DPYS: variants seen among roughly 807,000 people sequenced by gnomAD.
The protein encoded by DPYS is dihydropyrimidine amidohydrolase.
In DPYS, 39 loss-of-function variants were observed where a neutral mutation model predicts 50.3. The observed-to-expected ratio is 0.78, with a 90% CI of 0.60 to 1.01. The LOEUF (loss-of-function observed/expected upper bound fraction) is 1.01, where lower values mean the gene tolerates loss of function less well. Ranked by LOEUF, DPYS falls within the 50% of genes least tolerant of loss-of-function variation. The pLI is 0.00. For synonymous variants in DPYS, 245 were observed against 250.7 expected, an observed-to-expected ratio of 0.98 and a Z score of 0.22; for missense variants, 659 against 680.9, an observed-to-expected ratio of 0.97 and a Z score of 0.36.
At chr8:104,450,956 A>G (rs1237265315) in intron 2 of DPYS, among the ~76,000 whole-genome samples, 2 of 152,224 alleles carry the variant, frequency 1.3e-5, no homozygotes, top group Non-Finnish European at 2.9e-5. Flanking sequence ...TAAACATTAC[A>G]CTTAAAGCAT....
chr8:104,430,115 G>A (rs1293279634), intron 4 of DPYS, among the ~76,000 whole-genome samples: 1 of 152,108 alleles, frequency 6.6e-6, no homozygotes, highest in Admixed American at 6.5e-5. Flanking sequence ...GGAGAAGGTA[G>A]AATTTGAACC....
In DPYS at chr8:104,406,237, C is replaced by T. The variant is rs146903304; in HGVS notation, c.1236-13246G>A. On this transcript the variant is annotated intron_variant, in intron 7 of 9. Coordinates refer to ENST00000351513, the MANE Select transcript of DPYS (RefSeq NM_001385.3). ...AGTCAACCAGGCCTGCTCTGAATCC[C>T]AACTCTGTCCTTTCCAGATGTGTGA... Among the ~76,000 whole-genome samples, 310 of 152,312 alleles carry T rather than the reference C, an allele frequency of 2.0e-3. 1 individual carries two copies. The highest frequency in any genetic ancestry group is 5.6e-3 in the African/African-American group (231 of 41,568).
chr8:104,466,553 C>G, intron 1 of DPYS, 104 bp downstream of exon 1: 1 of 1,297,618 alleles, frequency 7.7e-7, no homozygotes, highest in Non-Finnish European at 1.0e-6. Context: ...AGCTCCTCGG[C>G]GCCGCGCCGC....
chr8:104,383,750 C>T (rs146577736), intron 8 of DPYS, among the ~76,000 whole-genome samples: 1 of 152,258 alleles, frequency 6.6e-6, no homozygotes, highest in African/African-American at 2.4e-5. Flanking sequence ...TACAGGCACA[C>T]ACCACCATGG....
chr8:104,409,609 A>T (rs1363527650), intron 7 of DPYS, among the ~76,000 whole-genome samples: 3 of 152,224 alleles, frequency 2.0e-5, no homozygotes, highest in African/African-American at 7.2e-5. Flanking sequence ...GAATTTTTCT[A>T]AGCTTTTTTT....
chr8:104,394,985 T>G (rs1007233251), intron 7 of DPYS, among the ~76,000 whole-genome samples: 1 of 151,650 alleles, frequency 6.6e-6, no homozygotes. Context: ...AAACTAAGAT[T>G]TTTTTTAATT....
At chr8:104,434,555 A>G (rs747660129) in intron 4 of DPYS, among the ~76,000 whole-genome samples, 3 of 152,200 alleles carry the variant, frequency 2.0e-5, no homozygotes, top group Non-Finnish European at 4.4e-5. Flanking sequence ...TTTATTTTAC[A>G]AAGATATGCC....
intron 8 of DPYS, among the ~76,000 whole-genome samples, chr8:104,390,862 A>C (rs1364472745): frequency 1.3e-5 from 2 of 152,102 alleles, no homozygotes; most frequent in East Asian, 1.9e-4. Flanking sequence ...AGTGACAGAG[A>C]CCTTAGCAGT....
intron 5 of DPYS, among the ~76,000 whole-genome samples, chr8:104,428,701 G>A (rs1812824662): frequency 6.6e-6 from 1 of 152,224 alleles, no homozygotes; most frequent in South Asian, 2.1e-4. Context: ...AATCATGAAG[G>A]AGGAAGGAAG....
At chr8:104,381,393 G>T in intron 8 of DPYS, 79 bp from the exon 9 acceptor site, 1 of 1,267,056 alleles carries the variant, frequency 7.9e-7, no homozygotes, top group Non-Finnish European at 1.2e-6. Flanking sequence ...TTTATGAATT[G>T]CGAGAGCTTT....
chr8:104,454,461 A>C (rs1444150823), intron 1 of DPYS, among the ~76,000 whole-genome samples: 1 of 152,220 alleles, frequency 6.6e-6, no homozygotes, highest in Non-Finnish European at 1.5e-5. Context: ...GAACATACTA[A>C]AAGCCATTGT....
chr8:104,447,379 T>C lies in DPYS; in HGVS notation c.548A>G (p.Lys183Arg). 6.2e-7 allele frequency: 1 copy of C among 1,614,112 alleles called. No homozygotes were observed. The highest frequency in any genetic ancestry group is 8.5e-7 in the Non-Finnish European group (1 of 1,180,024). ...LELYEAFSRC[K>R]EIGAIAQVHA... ...GACCTGGGCAATTGCTCCAATTTCC[T>C]TGCACCGAGAGAAGGCTTCGTACAG... is the stretch of plus-strand genomic sequence containing the variant. The change falls in exon 3 of 10, where the codon AAG (lysine) becomes AGG (arginine). Residue 183 changes from lysine to arginine, a missense_variant. Coordinates refer to ENST00000351513, the MANE Select transcript of DPYS (RefSeq NM_001385.3).
chr8:104,439,493 C>T (rs1188459840), intron 4 of DPYS, among the ~76,000 whole-genome samples: 1 of 152,120 alleles, frequency 6.6e-6, no homozygotes, highest in Non-Finnish European at 1.5e-5. Flanking sequence ...TTTTAAAACA[C>T]CAAAGCCAGC....
intron 8 of DPYS, among the ~76,000 whole-genome samples, chr8:104,387,566 T>C (rs1161209601): frequency 2.0e-5 from 3 of 152,144 alleles, no homozygotes; most frequent in Admixed American, 2.0e-4. Context: ...TGATACAAGT[T>C]AAAGGGATTG....
At chr8:104,424,466 A>T in intron 6 of DPYS, 77 bp from the exon 7 acceptor site, 1 of 1,487,574 alleles carries the variant, frequency 6.7e-7, no homozygotes, top group Non-Finnish European at 9.2e-7. Context: ...CAAGACTTGC[A>T]TCTCTTAAAC....
chr8:104,458,782 C>T (rs534249808), intron 1 of DPYS, among the ~76,000 whole-genome samples: 104 of 152,278 alleles, frequency 6.8e-4, no homozygotes, highest in African/African-American at 2.5e-3. Flanking sequence ...TTCCTAGATC[C>T]TTCTATGAAC....
Position 104,466,648 on chromosome 8 carries a change from G to A in DPYS, c.264+9C>T. On this transcript the variant is annotated intron_variant, in intron 1 of 9. Coordinates refer to ENST00000351513, the MANE Select transcript of DPYS (RefSeq NM_001385.3). ...GTACCGCGGGGCGGGGGCGCGGCGG[G>A]GCGGGTACCTTGGTGCCCTGGTGGA... 1.3e-6 allele frequency: 2 copies of A among 1,509,090 alleles called. No homozygotes were observed. The highest frequency in any genetic ancestry group is 1.8e-6 in the Non-Finnish European group (2 of 1,130,210). The allele number at this position is 1,509,090 out of a possible 1,614,324, so 93.5% of individuals were successfully genotyped here.
At chr8:104,383,354 C>T (rs998138491) in intron 8 of DPYS, among the ~76,000 whole-genome samples, 3 of 152,144 alleles carry the variant, frequency 2.0e-5, no homozygotes, top group Non-Finnish European at 4.4e-5. Context: ...TTGCTTACCC[C>T]AGGTTTCTGG....
At chr8:104,401,928 T>C (rs972411544) in intron 7 of DPYS, among the ~76,000 whole-genome samples, 3 of 152,148 alleles carry the variant, frequency 2.0e-5, no homozygotes, top group Non-Finnish European at 2.9e-5. Flanking sequence ...GAAGAGAAAA[T>C]GGGAATTGCT....
Sources: gnomAD v4.1 joint callset for allele counts (sites outside exome capture counted in the v4.1 genomes callset) on GRCh38, gnomAD v4.1.1 for gene constraint, MANE v1.5 for transcripts, NCBI Gene and HGNC (gene_info 2026-07-23, HGNC 2026-07-21) for gene names.